The following CHRNA2 variants were observed in gnomAD, a reference collection of about 807,000 sequenced individuals.
CHRNA2 encodes cholinergic receptor nicotinic alpha 2 subunit.
Under a neutral mutation model 45.5 loss-of-function variants are expected in CHRNA2, and 40 were observed. The ratio of observed to expected loss-of-function variants is 0.88; its 90% CI spans 0.68 to 1.15. The LOEUF (loss-of-function observed/expected upper bound fraction) is 1.15. Among genes scored for constraint, CHRNA2 ranks in the 50% most tolerant of loss-of-function variants. The pLI is 0.00. For missense variants in CHRNA2, 655 were observed against 701.7 expected, an observed-to-expected ratio of 0.93 and a Z score of 0.75; for synonymous variants, 301 against 296.7, an observed-to-expected ratio of 1.01 and a Z score of -0.15.
At chr8:27,473,071 A>AT (rs1812940076) in intron 1 of CHRNA2, among the ~76,000 whole-genome samples, 1 of 152,058 alleles carries the variant, frequency 6.6e-6, no homozygotes, top group African/African-American at 2.4e-5. Context: ...TTGATTTAAA[A>AT]AATATATATA....
chr8:27,462,415 G>A (rs1812522028), intron 6 of CHRNA2, among the ~76,000 whole-genome samples: 1 of 152,216 alleles, frequency 6.6e-6, no homozygotes, highest in Non-Finnish European at 1.5e-5. Flanking sequence ...GACAGGAGCT[G>A]GGGCAGGGGT....
intron 1 of CHRNA2, among the ~76,000 whole-genome samples, chr8:27,476,504 G>A (rs1378694217): frequency 2.0e-5 from 3 of 152,176 alleles, no homozygotes; most frequent in South Asian, 2.1e-4. Flanking sequence ...ATTAAATCTC[G>A]TTAATACCCA....
At position 27,471,173 on chromosome 8, in the gene CHRNA2, A is replaced by C. The variant is rs936357844; in HGVS notation, c.-115T>G. 1 of 1,011,166 alleles carries C rather than the reference A, an allele frequency of 9.9e-7. No individual in the cohort carries two copies. The highest frequency in any genetic ancestry group is 1.6e-5 in the African/African-American group (1 of 62,640). 62.6% of individuals were successfully genotyped at this position (1,011,166 alleles called of 1,614,324 possible). On this transcript the variant is annotated 5_prime_UTR_variant, in exon 2 of 7. Coordinates refer to ENST00000407991, the MANE Select transcript of CHRNA2 (RefSeq NM_000742.4). ...TGTGAGGATTCTGCTGGATTCTGCG[A>C]GGCTTCCTCTCACCACCGAACCTGA...
chr8:27,465,800 G>T (rs1174489882), intron 5 of CHRNA2, among the ~76,000 whole-genome samples: 2 of 152,070 alleles, frequency 1.3e-5, no homozygotes, highest in African/African-American at 4.8e-5. Context: ...GTGCTCACTT[G>T]GGGGAAGGAA....
In CHRNA2 at chr8:27,463,747, G is replaced by A. The variant is rs879129089; in HGVS notation, c.696C>T (p.Ala232=). Residue 232 remains alanine (A), a synonymous_variant, in exon 6 of 7, where the codon GCC becomes GCT. Transcript: ENST00000407991. The surrounding 1 kb of genome is among the most constrained non-coding windows in gnomAD (Gnocchi z 6.1). ...LKDYWESGEW[A]IVNATGTYNS... ...TGTAGGTGCCCGTGGCATTGACGAT[G>A]GCCCACTCGCCGCTCTCCCAGTAGT... The A allele has an allele frequency of 6.2e-7, 1 of 1,614,112 alleles. No homozygotes were observed. The highest frequency in any genetic ancestry group is 8.5e-7 in the Non-Finnish European group (1 of 1,180,002).
In CHRNA2 at chr8:27,462,053, C is replaced by T. The variant is rs115173507; in HGVS notation, c.1465-299G>A. On this transcript the variant is annotated intron_variant, in intron 6 of 6. Transcript: ENST00000407991. Reference sequence around the variant, plus strand: ...AGGAGGCTAGAGGGACGCAAGGAGGCGGCACGACCACCCAGGGGCATGGGC... The same window carrying T: ...AGGAGGCTAGAGGGACGCAAGGAGGTGGCACGACCACCCAGGGGCATGGGC... Among the ~76,000 whole-genome samples the T allele has an allele frequency of 0.012, 1,834 of 152,334 alleles. 41 individuals carry two copies. Among genetic ancestry groups the T allele is most frequent in the African/African-American group, 0.042 (1,738 of 41,574 alleles).
In CHRNA2 at chr8:27,463,564, G is replaced by A. The variant is rs554981272; in HGVS notation, c.879C>T (p.Cys293=). 6 of 1,614,206 alleles carry A rather than the reference G, an allele frequency of 3.7e-6. No individual in the cohort carries two copies. The highest frequency in any genetic ancestry group is 1.6e-4 in the Middle Eastern group (1 of 6,062). The change falls in exon 6 of 7, where the codon TGC becomes TGT. Residue 293 remains cysteine, a synonymous_variant. Transcript: ENST00000407991. This position sits in a 1 kb window ranked among gnomAD's most constrained non-coding sequence, Gnocchi z 6.1. ...TVLVFYLPSD[C]GEKITLCISV... is the part of the protein sequence containing the mutation. ...AAATGCACAGCGTGATCTTCTCGCCGCAGTCGGAGGGCAGGTAGAAGACCA... is the reference window on the plus strand; with the variant it reads ...AAATGCACAGCGTGATCTTCTCGCCACAGTCGGAGGGCAGGTAGAAGACCA...
intron 3 of CHRNA2, 154 bp from the exon 4 acceptor site, chr8:27,469,533 A>T: frequency 1.1e-6 from 1 of 912,930 alleles, no homozygotes; most frequent in Non-Finnish European, 1.7e-6. Context: ...CCTTACTCAG[A>T]TTCTCCAGGG....
At chr8:27,468,847 G>A (rs1249070506) in intron 4 of CHRNA2, among the ~76,000 whole-genome samples, 1 of 152,238 alleles carries the variant, frequency 6.6e-6, no homozygotes, top group African/African-American at 2.4e-5. Context: ...AGTGAGCTGG[G>A]AGCTGCTGTG....
rs1365138617 is a variant in CHRNA2 at position 27,460,817 on chromosome 8, ACCT to A, written c.*809_*811del. The A allele has an allele frequency of 6.6e-6, 1 of 152,090 alleles. No homozygotes were observed. The highest frequency in any genetic ancestry group is 6.5e-5 in the Admixed American group (1 of 15,268). 9.4% of individuals were successfully genotyped at this position (152,090 alleles called of 1,614,324 possible). On this transcript the variant is annotated 3_prime_UTR_variant, in exon 7 of 7. Transcript: ENST00000407991. ...AGGCCATGGCTCTCAGCTCTGCCAGACCTCCTGGGGGCCGGCTGGTGCAGAGCC... is the reference window on the plus strand; with the variant it reads ...AGGCCATGGCTCTCAGCTCTGCCAGACCTGGGGGCCGGCTGGTGCAGAGCC...
At chr8:27,464,216 G>A (rs1381906631) in intron 5 of CHRNA2, among the ~76,000 whole-genome samples, 3 of 152,142 alleles carry the variant, frequency 2.0e-5, no homozygotes, top group Non-Finnish European at 4.4e-5. Context: ...GAGGAATTGT[G>A]AGGAATAGAA....
In CHRNA2 at chr8:27,469,324, G is replaced by A. The variant is rs1242565450; in HGVS notation, c.339+11C>T. 2 of 1,443,332 alleles carry A rather than the reference G, an allele frequency of 1.4e-6. No homozygotes were observed. The highest frequency in any genetic ancestry group is 2.7e-5 in the East Asian group (1 of 36,542). The allele number at this position is 1,443,332 out of a possible 1,614,324, so 89.4% of individuals were successfully genotyped here. A position where few individuals can be genotyped will look rare whatever the true frequency, so the allele number is the denominator to read the frequency against. On this transcript the variant is annotated intron_variant, in intron 4 of 6. Coordinates refer to ENST00000407991, the MANE Select transcript of CHRNA2 (RefSeq NM_000742.4). ...TACCCGCCACCTGGACTGGAGGAGG[G>A]GGGCCCTCACCTGTTTTAGCCAGAC... is the stretch of plus-strand genomic sequence containing the variant.
rs1812424952 is a variant in CHRNA2 at position 27,460,213 on chromosome 8, T to A, written c.*1416A>T. 1 of 152,090 alleles carries A rather than the reference T, an allele frequency of 6.6e-6. No individual in the cohort carries two copies. Among genetic ancestry groups the A allele is most frequent in the African/African-American group, 2.4e-5 (1 of 41,410 alleles). The allele number at this position is 152,090 out of a possible 1,614,324, so 9.4% of individuals were successfully genotyped here. ...TAGCTGCCAATGTCCCACCCTCCAGTCTGGACAGAGTTGGGGGGAGGTCTG... is the reference window on the plus strand; with the variant it reads ...TAGCTGCCAATGTCCCACCCTCCAGACTGGACAGAGTTGGGGGGAGGTCTG... On this transcript the variant is annotated 3_prime_UTR_variant, in exon 7 of 7. Coordinates refer to ENST00000407991, the MANE Select transcript of CHRNA2 (RefSeq NM_000742.4).
At position 27,467,344 on chromosome 8, in the gene CHRNA2, T is replaced by A; in HGVS notation, c.340-6A>T. 6.2e-7 allele frequency: 1 copy of A among 1,600,790 alleles called. No homozygotes were observed. Among genetic ancestry groups the A allele is most frequent in the Non-Finnish European group, 8.6e-7 (1 of 1,168,238 alleles). ...AGTTTGTAGTCGCTCCACTCCTGTG[T>A]GTGGGGAAGGAGTTGTGTCAACCTC... On this transcript the variant is annotated splice_region_variant and splice_polypyrimidine_tract_variant and intron_variant, in intron 4 of 6. Coordinates refer to ENST00000407991, the MANE Select transcript of CHRNA2 (RefSeq NM_000742.4).
chr8:27,461,240 G>C lies in CHRNA2; in HGVS notation c.*389C>G. 1 of 240,792 alleles carries C rather than the reference G, an allele frequency of 4.2e-6. No individual in the cohort carries two copies. Among genetic ancestry groups the C allele is most frequent in the Non-Finnish European group, 8.4e-6 (1 of 119,462 alleles). The allele number at this position is 240,792 out of a possible 1,614,324, so 14.9% of individuals were successfully genotyped here. ...TCCACATCCAAGAACCCTCCCCTTT[G>C]CCCCCACGGCCCCTCCTTTGAGGTC... On this transcript the variant is annotated 3_prime_UTR_variant, in exon 7 of 7. Transcript: ENST00000407991.
In CHRNA2 at chr8:27,463,962, T is replaced by C; in HGVS notation, c.481A>G (p.Thr161Ala). 1 of 1,614,130 alleles carries C rather than the reference T, an allele frequency of 6.2e-7. No individual in the cohort carries two copies. Among genetic ancestry groups the C allele is most frequent in the Non-Finnish European group, 8.5e-7 (1 of 1,180,012 alleles). Residue 161 changes from threonine to alanine, a missense_variant, in exon 6 of 7, where the codon ACC (threonine) becomes GCC (alanine). Coordinates refer to ENST00000407991, the MANE Select transcript of CHRNA2 (RefSeq NM_000742.4). This position sits in a 1 kb window ranked among gnomAD's most constrained non-coding sequence, Gnocchi z 6.1. Reference sequence around the variant, plus strand: ...CCCGTGGAGAAGAGGTGGGCCTTGGTCATGTGGGTCACTGCAAACTCCCCA... The same window carrying C: ...CCCGTGGAGAAGAGGTGGGCCTTGGCCATGTGGGTCACTGCAAACTCCCCA... ...ADGEFAVTHM[T>A]KAHLFSTGTV...
In CHRNA2 at chr8:27,461,736, A is replaced by ACTTC. The variant is rs1384290188; in HGVS notation, c.1479_1482dup (p.Tyr495GlufsTer51). The ACTTC allele has an allele frequency of 1.9e-6, 3 of 1,614,044 alleles. No homozygotes were observed. In the African/African-American group the frequency reaches 4.0e-5, roughly 22 times the overall value. On this transcript the variant is annotated frameshift_variant, in exon 7 of 7. Transcript: ENST00000407991. LOFTEE classifies it high-confidence loss of function. ...ATCCTGTCGATGACCATGGCAACAT[A>ACTTC]CTTCCAGTCCTCCTTCACCTGTGGG...
chr8:27,475,410 C>T (rs1193116625), intron 1 of CHRNA2: 2 of 152,250 alleles, frequency 1.3e-5, no homozygotes, highest in East Asian at 1.9e-4. Context: ...GTGGATGAAA[C>T]TTGAGGGCAT....
Position 27,460,060 on chromosome 8 carries a change from CAGGG to C in CHRNA2, c.*1565_*1568del, listed in dbSNP as rs1384034152. 14 of 152,444 alleles carry C rather than the reference CAGGG, an allele frequency of 9.2e-5. No homozygotes were observed. Among genetic ancestry groups the C allele is most frequent in the African/African-American group, 3.1e-4 (13 of 41,530 alleles). 9.4% of individuals were successfully genotyped at this position (152,444 alleles called of 1,614,324 possible). ...CCAGGCTGGTTTCCCCTGAGAGTGT[CAGGG>C]AGAGACATTTTGGGGTTTGGAAGGA... On this transcript the variant is annotated 3_prime_UTR_variant, in exon 7 of 7. Coordinates refer to ENST00000407991, the MANE Select transcript of CHRNA2 (RefSeq NM_000742.4).
Sources: allele counts gnomAD v4.1 joint callset (sites outside exome capture counted in the v4.1 genomes callset), GRCh38; gene constraint gnomAD v4.1.1; non-coding constraint Gnocchi (gnomAD v3.1); transcripts MANE v1.5; gene names NCBI Gene and HGNC (gene_info 2026-07-23, HGNC 2026-07-21).